The following C6 variants were observed in gnomAD, a reference collection of about 807,000 sequenced individuals.
C6 encodes complement C6, also known as complement component C6.
C6 carries 101 observed loss-of-function variants against 112.9 expected under a neutral mutation model. That is an observed-to-expected ratio of 0.89 (90% CI 0.76 to 1.06). The LOEUF is 1.06. Among genes scored for constraint, C6 ranks in the 50% least tolerant of loss-of-function variants. C6 has a pLI of 0.00. For missense variants in C6, 1,202 were observed against 1,104.6 expected (o/e 1.09, Z -1.25); for synonymous variants, 431 against 384.1 (o/e 1.12, Z -1.43).
chr5:41,224,247 T>A (rs1175771318), intron 1 of C6, among the ~76,000 whole-genome samples: 1 of 152,184 alleles, frequency 6.6e-6, no homozygotes, highest in Admixed American at 6.6e-5. Flanking sequence ...TTTATTGAGA[T>A]GTAATTCACT....
At position 41,195,826 on chromosome 5, in the gene C6, T is replaced by C; in HGVS notation, c.553A>G (p.Asn185Asp). 1 of 1,614,002 alleles carries C rather than the reference T, an allele frequency of 6.2e-7. No individual in the cohort carries two copies. The highest frequency in any genetic ancestry group is 8.5e-7 in the Non-Finnish European group (1 of 1,179,900). Residue 185 changes from asparagine (N) to aspartate (D), a missense_variant, in exon 5 of 18, where the codon AAT becomes GAT. By Grantham distance (23) the Asn-to-Asp change is conservative. Coordinates refer to ENST00000337836, the MANE Select transcript of C6 (RefSeq NM_000065.5). ...ATCAACTGTACACTAGGGATGGGAT[T>C]ATACTTCCGTGTGCATACTGCCTTT... The part of the protein sequence containing the change: ...RTKAVCTRKY[N>D]PIPSVQLMGN...
chr5:41,165,539 T>TAAAGCAATAA, intron 9 of C6, among the ~76,000 whole-genome samples: 1 of 152,300 alleles, frequency 6.6e-6, no homozygotes, highest in Middle Eastern at 3.4e-3. Context: ...TCATGTTTAT[T>TAAAGCAATAA]GCTTTTTAAA....
At chr5:41,161,965 C>T in intron 9 of C6, 106 bp from the exon 10 acceptor site, 1 of 1,043,166 alleles carries the variant, frequency 9.6e-7, no homozygotes, top group Non-Finnish European at 1.5e-6. Flanking sequence ...GTAGATGGTA[C>T]AGTATGTAGC....
chr5:41,172,385 C>T (rs1748501576), intron 8 of C6, 38 bp from the exon 9 acceptor site: 2 of 1,607,692 alleles, frequency 1.2e-6, no homozygotes, highest in Non-Finnish European at 1.7e-6. Flanking sequence ...ACTGAGAATG[C>T]ACCATTGACA....
intron 17 of C6, among the ~76,000 whole-genome samples, chr5:41,146,406 A>G (rs1471407364): frequency 1.3e-5 from 2 of 152,334 alleles, no homozygotes; most frequent in African/African-American, 2.4e-5. Flanking sequence ...GTGACATTCA[A>G]TTGAACTGAA....
At chr5:41,256,250 C>T (rs1741691340) in intron 1 of C6, among the ~76,000 whole-genome samples, 2 of 151,800 alleles carry the variant, frequency 1.3e-5, no homozygotes, top group African/African-American at 2.4e-5. Context: ...AATAAACATA[C>T]GTGTGCATGT....
chr5:41,201,013 T>A lies in C6; in HGVS notation c.300+545A>T, dbSNP rs73753130. On this transcript the variant is annotated intron_variant, in intron 3 of 17. Coordinates refer to ENST00000337836, the MANE Select transcript of C6 (RefSeq NM_000065.5). ...GTACCAACATGATGCCACAGTGGAG[T>A]ATTGTATATGTAAATACTTATCATA... Among the ~76,000 whole-genome samples the A allele has an allele frequency of 4.7e-3, 711 of 150,856 alleles. 6 individuals carry two copies. The highest frequency in any genetic ancestry group is 0.016 in the African/African-American group (652 of 41,058).
chr5:41,253,679 T>A (rs1741504012), intron 1 of C6, among the ~76,000 whole-genome samples: 1 of 152,230 alleles, frequency 6.6e-6, no homozygotes, highest in East Asian at 1.9e-4. Context: ...TATTTTGGAT[T>A]GTCCTTGTTA....
intron 1 of C6, among the ~76,000 whole-genome samples, chr5:41,245,493 C>A (rs535260758): frequency 2.1e-5 from 2 of 93,140 alleles, no homozygotes; most frequent in South Asian, 8.1e-4. Flanking sequence ...TGCACTCCAG[C>A]CTGGGCAAAA....
chr5:41,156,995 A>G (rs866772315), intron 13 of C6, among the ~76,000 whole-genome samples: 1 of 152,188 alleles, frequency 6.6e-6, no homozygotes, highest in Admixed American at 6.6e-5. Flanking sequence ...CATTAAATAA[A>G]TATACTTGTG....
chr5:41,155,932 G>A (rs895256156), intron 13 of C6, among the ~76,000 whole-genome samples: 2 of 151,988 alleles, frequency 1.3e-5, no homozygotes, highest in East Asian at 3.9e-4. Context: ...ACTGAGTGCA[G>A]ATCATTTAAA....
chr5:41,164,345 C>T (rs535731091), intron 9 of C6, among the ~76,000 whole-genome samples: 1 of 152,088 alleles, frequency 6.6e-6, no homozygotes, highest in Non-Finnish European at 1.5e-5. Flanking sequence ...AGATCATGGC[C>T]CTAATATTAG....
chr5:41,203,811 T>C (rs764519494), intron 1 of C6: 4 of 162,262 alleles, frequency 2.5e-5, no homozygotes, highest in East Asian at 1.7e-4. Flanking sequence ...CTTCATTTTA[T>C]GGAGATAAAA....
At chr5:41,233,689 A>G (rs1740049712) in intron 1 of C6, among the ~76,000 whole-genome samples, 1 of 152,030 alleles carries the variant, frequency 6.6e-6, no homozygotes, top group Non-Finnish European at 1.5e-5. Context: ...CAAAAAAATA[A>G]TTGTAGTTAT....
chr5:41,203,133 GT>G lies in C6; in HGVS notation c.97del (p.Thr33ProfsTer18). On this transcript the variant is annotated frameshift_variant, in exon 2 of 18. Coordinates refer to ENST00000337836, the MANE Select transcript of C6 (RefSeq NM_000065.5). LOFTEE classifies it high-confidence loss of function. The part of the protein sequence containing the change: ...FCDHYAWTQW[T>X]SCSKTCNSGT... ...AGAATTGCAAGTTTTTGAGCAGCTG[GT>G]CCACTGAGTCCATGCATAGTGATCA... The G allele has an allele frequency of 6.2e-7, 1 of 1,614,084 alleles. No homozygotes were observed. The highest frequency in any genetic ancestry group is 8.5e-7 in the Non-Finnish European group (1 of 1,179,974).
chr5:41,178,196 G>A (rs1016790767), intron 7 of C6, among the ~76,000 whole-genome samples: 1 of 151,996 alleles, frequency 6.6e-6, no homozygotes, highest in Non-Finnish European at 1.5e-5. Flanking sequence ...AATGTGTGAG[G>A]TCCTGCTTTA....
At chr5:41,144,310 C>T (rs1387940477) in intron 17 of C6, among the ~76,000 whole-genome samples, 1 of 152,114 alleles carries the variant, frequency 6.6e-6, no homozygotes, top group African/African-American at 2.4e-5. Context: ...CTGTGTCTCC[C>T]AGGCTGGGGT....
intron 1 of C6, among the ~76,000 whole-genome samples, chr5:41,256,280 TTA>T (rs1293928795): frequency 6.6e-6 from 1 of 151,976 alleles, no homozygotes; most frequent in Non-Finnish European, 1.5e-5. Context: ...GCAGCATGAT[TTA>T]TAGTCATTTG....
At chr5:41,221,260 A>G (rs1200504848) in intron 1 of C6, among the ~76,000 whole-genome samples, 1 of 152,168 alleles carries the variant, frequency 6.6e-6, no homozygotes, top group Non-Finnish European at 1.5e-5. Flanking sequence ...TGAAAACTCT[A>G]CAATACACTG....
Sources: allele counts gnomAD v4.1 joint callset (sites outside exome capture counted in the v4.1 genomes callset), GRCh38; gene constraint gnomAD v4.1.1; transcripts MANE v1.5; gene names NCBI Gene and HGNC (gene_info 2026-07-23, HGNC 2026-07-21).